Variants in ERG observed in about 807,000 individuals in gnomAD.
ERG encodes the protein transcriptional regulator ERG.
In ERG, 9 loss-of-function variants were observed where a neutral mutation model predicts 55.3. The ratio of observed to expected loss-of-function variants is 0.16; its 90% CI spans 0.10 to 0.28. ERG has a LOEUF of 0.28. ERG is among the 10% of genes least tolerant of loss of function. The pLI is 1.00. For synonymous variants in ERG, 223 were observed against 237.3 expected, an observed-to-expected ratio of 0.94 and a Z score of 0.55; for missense variants, 434 against 631.6, an observed-to-expected ratio of 0.69 and a Z score of 3.35.
At chr21:38,533,181 G>A (rs2059684947) in intron 2 of ERG, among the ~76,000 whole-genome samples, 1 of 152,108 alleles carries the variant, frequency 6.6e-6, no homozygotes, top group Admixed American at 6.5e-5. Context: ...TCAGTTATTT[G>A]AACTCAGGTC....
intron 6 of ERG, among the ~76,000 whole-genome samples, chr21:38,398,641 A>G (rs1276134467): frequency 6.6e-6 from 1 of 152,128 alleles, no homozygotes; most frequent in Non-Finnish European, 1.5e-5. Context: ...GTCCCAACCA[A>G]CATCCTCACA....
intron 1 of ERG, among the ~76,000 whole-genome samples, chr21:38,615,220 A>T (rs1169534121): frequency 6.6e-6 from 1 of 152,204 alleles, no homozygotes; most frequent in East Asian, 1.9e-4. Context: ...TTTAGAATTA[A>T]ACTGGCAATA....
intron 2 of ERG, among the ~76,000 whole-genome samples, chr21:38,512,871 G>A (rs1025812243): frequency 6.6e-6 from 1 of 152,044 alleles, no homozygotes; most frequent in East Asian, 1.9e-4. Flanking sequence ...AGTGGCTCAC[G>A]CCTGTAATCC....
At chr21:38,445,075 A>G (rs2058877518) in intron 2 of ERG, among the ~76,000 whole-genome samples, 1 of 152,072 alleles carries the variant, frequency 6.6e-6, no homozygotes, top group Non-Finnish European at 1.5e-5. Context: ...CCACTGGAGA[A>G]CACATTTTCC....
chr21:38,416,476 A>G (rs1289653169), intron 3 of ERG, among the ~76,000 whole-genome samples: 2 of 152,224 alleles, frequency 1.3e-5, no homozygotes, highest in South Asian at 2.1e-4. Flanking sequence ...ACTTAAGTAC[A>G]GCATCTTGGG....
intron 1 of ERG, among the ~76,000 whole-genome samples, chr21:38,581,468 G>A (rs2060028267): frequency 1.3e-5 from 2 of 152,190 alleles, no homozygotes; most frequent in African/African-American, 4.8e-5. Context: ...AGCATCTTTT[G>A]TTCTAAGAAG....
At chr21:38,477,675 A>C (rs1216193872) in intron 1 of ERG, among the ~76,000 whole-genome samples, 1 of 152,224 alleles carries the variant, frequency 6.6e-6, no homozygotes, top group Non-Finnish European at 1.5e-5. Context: ...TGGCTTGTTT[A>C]TGGACATGAT....
At chr21:38,563,228 C>G (rs1010694914) in intron 2 of ERG, among the ~76,000 whole-genome samples, 1 of 152,178 alleles carries the variant, frequency 6.6e-6, no homozygotes, top group Non-Finnish European at 1.5e-5. Context: ...TCCAAACCCA[C>G]AGAACATATA....
rs751609059 is a variant in ERG, at chr21:38,403,548, T to C, written c.550A>G (p.Asn184Asp). The C allele has an allele frequency of 1.2e-6, 2 of 1,614,180 alleles. No homozygotes were observed. Among genetic ancestry groups the C allele is most frequent in the South Asian group, 2.2e-5 (2 of 91,082 alleles). The part of the protein sequence containing the change: ...DDFQRLTPSY[N>D]ADILLSHLHY... ...AGATGTGAGAGAAGGATGTCGGCGTTGTAGCTGGGGGTGAGCCTCTGGAAG... is the reference window on the plus strand; with the variant it reads ...AGATGTGAGAGAAGGATGTCGGCGTCGTAGCTGGGGGTGAGCCTCTGGAAG... Residue 184 changes from asparagine (N) to aspartate (D), a missense_variant, in exon 4 of 10, where the codon AAC becomes GAC. Coordinates refer to ENST00000288319, the MANE Select transcript of ERG (RefSeq NM_182918.4).
intron 2 of ERG, among the ~76,000 whole-genome samples, chr21:38,520,298 T>C (rs184397310): frequency 4.6e-5 from 7 of 152,274 alleles, no homozygotes; most frequent in African/African-American, 1.4e-4. Flanking sequence ...GGCATCAAAT[T>C]AGAACCTGCA....
intron 1 of ERG, among the ~76,000 whole-genome samples, chr21:38,596,017 C>T (rs2060128731): frequency 6.7e-6 from 1 of 148,878 alleles, no homozygotes; most frequent in Admixed American, 6.7e-5. Flanking sequence ...TTTGCAATCC[C>T]AGGACCAGAT....
In ERG at chr21:38,383,138, G is replaced by T; in HGVS notation, c.*265C>A. ...TGGCACTTTGTCCTTAAGACTTCAT[G>T]CTTCTACATACACTGTCTTTTACAA... On this transcript the variant is annotated 3_prime_UTR_variant, in exon 10 of 10. Transcript: ENST00000288319. The surrounding 1 kb of genome is among the most constrained non-coding windows in gnomAD (Gnocchi z 5.7). The T allele has an allele frequency of 8.4e-7, 1 of 1,189,380 alleles. No individual in the cohort carries two copies. Among genetic ancestry groups the T allele is most frequent in the Non-Finnish European group, 1.0e-6 (1 of 960,260 alleles). 73.7% of individuals were successfully genotyped at this position (1,189,380 alleles called of 1,614,324 possible).
At chr21:38,437,497 T>C (rs543125295) in intron 2 of ERG, among the ~76,000 whole-genome samples, 3 of 152,304 alleles carry the variant, frequency 2.0e-5, no homozygotes, top group Non-Finnish European at 4.4e-5. Flanking sequence ...ACTGGGCTAA[T>C]GAATTAAGAT....
At chr21:38,641,218 G>A (rs2060422842) in intron 1 of ERG, among the ~76,000 whole-genome samples, 2 of 152,140 alleles carry the variant, frequency 1.3e-5, no homozygotes, top group Non-Finnish European at 2.9e-5. Flanking sequence ...AGGTGATTAG[G>A]TGTTGAGGAT....
intron 2 of ERG, among the ~76,000 whole-genome samples, chr21:38,520,191 C>G (rs13047775): frequency 0.87 from 131,687 of 152,198 alleles, 57,190 homozygotes; most frequent in African/African-American, 0.94. Context: ...GGAAGGAACA[C>G]AGAGCTTAGA....
In ERG at chr21:38,527,068, G is replaced by A. The variant is rs534817998; in HGVS notation, c.-41+48594C>T. On this transcript the variant is annotated intron_variant, in intron 2 of 8. Transcript: ENST00000398897. ...CTCAGATCTGAGAGTAATTTTCCAC[G>A]ACGCATACTGAGCACCATAATGAGT... 8.5e-5 allele frequency among the ~76,000 whole-genome samples: 13 copies of A among 152,204 alleles called. No individual in the cohort carries two copies. In the East Asian group the frequency reaches 9.7e-4, roughly 11 times the overall value.
At chr21:38,565,631 C>T (rs1231484209) in intron 2 of ERG, among the ~76,000 whole-genome samples, 4 of 152,192 alleles carry the variant, frequency 2.6e-5, no homozygotes, top group Admixed American at 6.5e-5. Context: ...TGTGATCATA[C>T]GGCTCATGCT....
rs2059820165 is a variant in ERG at position 38,550,919 on chromosome 21, T to A, written c.-41+24743A>T. Among the ~76,000 whole-genome samples, 2 of 152,196 alleles carry A rather than the reference T, an allele frequency of 1.3e-5. 1 individual carries two copies. The highest frequency in any genetic ancestry group is 4.1e-4 in the South Asian group (2 of 4,828). ...CGATTAATGGATTGAGGAAACAGAA[T>A]AGATAATTTAAAAGCAAACCTTTGT... is the stretch of plus-strand genomic sequence containing the variant. On this transcript the variant is annotated intron_variant, in intron 2 of 8. Transcript: ENST00000398897.
chr21:38,513,724 A>G (rs2059531434), intron 2 of ERG, among the ~76,000 whole-genome samples: 1 of 152,296 alleles, frequency 6.6e-6, no homozygotes, highest in Non-Finnish European at 1.5e-5. Context: ...TTCCATAGGA[A>G]AGAGGCAAAG....
Sources: gnomAD v4.1 joint callset for allele counts (sites outside exome capture counted in the v4.1 genomes callset) on GRCh38, gnomAD v4.1.1 for gene constraint, Gnocchi (gnomAD v3.1) non-coding constraint, MANE v1.5 for transcripts, NCBI Gene and HGNC (gene_info 2026-07-23, HGNC 2026-07-21) for gene names.